The following WLS variants were observed in gnomAD, a reference collection of about 807,000 sequenced individuals.
The protein encoded by WLS is protein wntless homolog.
A neutral mutation model predicts 62.8 loss-of-function variants in WLS; 23 were observed. The ratio of observed to expected loss-of-function variants is 0.37; its 90% CI spans 0.26 to 0.52. WLS has a LOEUF of 0.52. WLS is among the 20% of genes least tolerant of loss of function. WLS has a pLI of 0.92. For missense variants in WLS, 615 were observed against 697.3 expected, an observed-to-expected ratio of 0.88 and a Z score of 1.33; for synonymous variants, 246 against 244.1, an observed-to-expected ratio of 1.01 and a Z score of -0.07.
intron 11 of WLS, among the ~76,000 whole-genome samples, chr1:68,131,273 A>G (rs965491121): frequency 6.6e-6 from 1 of 152,042 alleles, no homozygotes; most frequent in Non-Finnish European, 1.5e-5. Context: ...TAAGTGCTCA[A>G]AACACCCATG....
intron 1 of WLS, among the ~76,000 whole-genome samples, chr1:68,197,483 A>G (rs976490190): frequency 6.6e-6 from 1 of 152,188 alleles, no homozygotes; most frequent in African/African-American, 2.4e-5. Flanking sequence ...CAAAACCTGA[A>G]GATAATTCAA....
chr1:68,117,852 C>T (rs1330889333), intron 11 of WLS: 1 of 152,136 alleles, frequency 6.6e-6, no homozygotes, highest in East Asian at 1.9e-4. Flanking sequence ...CATGATCTCC[C>T]CAGCTTGCTA....
chr1:68,228,050 C>T (rs923108159), intron 1 of WLS, among the ~76,000 whole-genome samples: 4 of 152,124 alleles, frequency 2.6e-5, no homozygotes, highest in African/African-American at 9.7e-5. Context: ...GTAGATAATC[C>T]ATGCACAATT....
In WLS at chr1:68,155,104, A is replaced by G. The variant is rs753369877; in HGVS notation, c.661T>C (p.Leu221=). 1.9e-6 allele frequency: 3 copies of G among 1,613,480 alleles called. No homozygotes were observed. The highest frequency in any genetic ancestry group is 2.5e-6 in the Non-Finnish European group (3 of 1,179,728). Reference sequence around the variant, plus strand: ...GATCAATTACATTCACTTACCACCAACCGGATATCCTTTATCTCCCCAATT... The same window carrying G: ...GATCAATTACATTCACTTACCACCAGCCGGATATCCTTTATCTCCCCAATT... ...VGIGEIKDIR[L]VGIHQNGGFT... is the part of the protein sequence containing the mutation. The change falls in exon 4 of 12, where the codon TTG becomes CTG. Residue 221 remains leucine (L), a synonymous_variant. Coordinates refer to ENST00000262348, the MANE Select transcript of WLS (RefSeq NM_024911.7).
chr1:68,098,591 C>T (rs760971085), exon 12 of WLS: 1 of 1,608,412 alleles, frequency 6.2e-7, no homozygotes, highest in Non-Finnish European at 8.5e-7. Flanking sequence ...ACTGTGACAA[C>T]TGCAAATGCA....
chr1:68,159,180 A>G lies in WLS; in HGVS notation c.447T>C (p.Thr149=). Residue 149 remains threonine (T), a synonymous_variant, in exon 3 of 12, where the codon ACT becomes ACC. Transcript: ENST00000262348. ...GTGGTACTCTTTCATGGGCCATTTC[A>G]GTCCACTCAGCAAACGCGTCATCAC... ...AYRDDAFAEW[T]EMAHERVPRK... The G allele has an allele frequency of 6.2e-7, 1 of 1,614,156 alleles. No homozygotes were observed. The highest frequency in any genetic ancestry group is 8.5e-7 in the Non-Finnish European group (1 of 1,180,016).
chr1:68,125,807 G>A lies in WLS; in HGVS notation c.*419C>T, dbSNP rs1646421151. 2 of 1,001,802 alleles carry A rather than the reference G, an allele frequency of 2.0e-6. No individual in the cohort carries two copies. The highest frequency in any genetic ancestry group is 2.4e-6 in the Non-Finnish European group (2 of 840,032). The allele number at this position is 1,001,802 out of a possible 1,614,324, so 62.1% of individuals were successfully genotyped here. A position where few individuals can be genotyped will look rare whatever the true frequency, so the allele number is the denominator to read the frequency against. On this transcript the variant is annotated 3_prime_UTR_variant, in exon 12 of 12. Coordinates refer to ENST00000262348, the MANE Select transcript of WLS (RefSeq NM_024911.7). The stretch of plus-strand genomic sequence containing the variant: ...TATGACACCAGCCTACCTTGGACTG[G>A]GACCGCAAAGGATGTTAAAATCTAT...
intron 6 of WLS, among the ~76,000 whole-genome samples, chr1:68,149,045 CAA>C (rs1314380290): frequency 6.6e-6 from 1 of 152,066 alleles, no homozygotes; most frequent in Non-Finnish European, 1.5e-5. Context: ...CCTCAGAAGA[CAA>C]AGTAAAGACA....
chr1:68,127,012 G>T lies in WLS; in HGVS notation c.1517-677C>A, dbSNP rs150376985. ...TTAAGATCAGCCTTGGCAACAGAGCGAGACCCTGACTCTAAAAAAAAAATT... is the reference window on the plus strand; with the variant it reads ...TTAAGATCAGCCTTGGCAACAGAGCTAGACCCTGACTCTAAAAAAAAAATT... On this transcript the variant is annotated intron_variant, in intron 11 of 11. Transcript: ENST00000262348. 19 of 332,770 alleles carry T rather than the reference G, an allele frequency of 5.7e-5. 1 individual carries two copies. Among genetic ancestry groups the T allele is most frequent in the Middle Eastern group, 1.1e-3 (1 of 900 alleles). The allele number at this position is 332,770 out of a possible 1,614,324, so 20.6% of individuals were successfully genotyped here. A position where few individuals can be genotyped will look rare whatever the true frequency, so the allele number is the denominator to read the frequency against.
chr1:68,120,583 C>A (rs114863879), downstream of WLS, among the ~76,000 whole-genome samples: 3,361 of 152,318 alleles, frequency 0.022, 121 homozygotes, highest in African/African-American at 0.076. Context: ...CTCTCTGAGT[C>A]TCACTTCTTG....
intron 2 of WLS, chr1:68,186,441 A>G: frequency 2.7e-6 from 1 of 366,114 alleles, no homozygotes; most frequent in Non-Finnish European, 5.3e-6. Context: ...GAGCCCAAAC[A>G]TGAAATCTCT....
Position 68,214,199 on chromosome 1 carries a change from A to ACACACACATG in WLS, c.106+17994_106+17995insCATGTGTGTG, listed in dbSNP as rs1553137307. 1.5e-3 allele frequency among the ~76,000 whole-genome samples: 223 copies of ACACACACATG among 151,948 alleles called. 2 individuals are homozygous for ACACACACATG. Among genetic ancestry groups the ACACACACATG allele is most frequent in the African/African-American group, 5.1e-3 (212 of 41,464 alleles). ...GATCTCTGAACACACACACACACAC[A>ACACACACATG]CACACACACACCCCATTTCCAATAC... is the stretch of plus-strand genomic sequence containing the variant. On this transcript the variant is annotated intron_variant, in intron 1 of 11. Coordinates refer to ENST00000262348, the MANE Select transcript of WLS (RefSeq NM_024911.7).
At chr1:68,192,906 C>T (rs1375705998) in intron 2 of WLS, among the ~76,000 whole-genome samples, 1 of 145,366 alleles carries the variant, frequency 6.9e-6, no homozygotes, top group Non-Finnish European at 1.5e-5. Context: ...AGCAGCCTGG[C>T]CAACATGGTA....
At chr1:68,230,183 C>T (rs1281983180) in intron 1 of WLS, among the ~76,000 whole-genome samples, 1 of 152,044 alleles carries the variant, frequency 6.6e-6, no homozygotes, top group African/African-American at 2.4e-5. Context: ...GCTCTGTCTG[C>T]AAAGCTAGGA....
At chr1:68,114,529 A>G (rs746130568) in intron 11 of WLS, among the ~76,000 whole-genome samples, 1 of 152,244 alleles carries the variant, frequency 6.6e-6, no homozygotes, top group Non-Finnish European at 1.5e-5. Context: ...GCTAAGTGGT[A>G]TAATCCTCAT....
chr1:68,228,887 GT>G (rs1236946364), intron 1 of WLS, among the ~76,000 whole-genome samples: 4 of 87,378 alleles, frequency 4.6e-5, no homozygotes, highest in East Asian at 2.6e-4. Context: ...AAAAAAATGT[GT>G]TTTTTTTTGT....
chr1:68,217,656 A>G lies in WLS; in HGVS notation c.106+14538T>C, dbSNP rs548157439. Among the ~76,000 whole-genome samples the G allele has an allele frequency of 4.6e-5, 7 of 152,334 alleles. No individual in the cohort carries two copies. The South Asian group carries it at 1.5e-3, about 32-fold the overall frequency. On this transcript the variant is annotated intron_variant, in intron 1 of 11. Coordinates refer to ENST00000262348, the MANE Select transcript of WLS (RefSeq NM_024911.7). ...CCATGCCTTAAAACTCCGGGGTCCTACATAAAACCTACTCAGTAATTATTT... is the reference window on the plus strand; with the variant it reads ...CCATGCCTTAAAACTCCGGGGTCCTGCATAAAACCTACTCAGTAATTATTT...
chr1:68,131,757 T>C (rs778057686), intron 11 of WLS, among the ~76,000 whole-genome samples: 32 of 152,166 alleles, frequency 2.1e-4, no homozygotes, highest in Admixed American at 1.3e-4. Flanking sequence ...TGTTTAGAGA[T>C]AGGGCCTTCT....
At chr1:68,168,162 T>C (rs1015912895) in intron 2 of WLS, among the ~76,000 whole-genome samples, 2 of 152,024 alleles carry the variant, frequency 1.3e-5, no homozygotes, top group African/African-American at 2.4e-5. Context: ...CCAAGAAATC[T>C]AGGGCAGCTG....
Sources: gnomAD v4.1 joint callset for allele counts (sites outside exome capture counted in the v4.1 genomes callset) on GRCh38, gnomAD v4.1.1 for gene constraint, MANE v1.5 for transcripts, NCBI Gene and HGNC (gene_info 2026-07-23, HGNC 2026-07-21) for gene names.